Variants in DIP2B observed in about 807,000 individuals in gnomAD.
The protein encoded by DIP2B is disco-interacting protein 2 homolog B.
A neutral mutation model predicts 198.0 loss-of-function variants in DIP2B; 76 were observed. That is an observed-to-expected ratio of 0.38 (90% CI 0.32 to 0.46). DIP2B has a LOEUF of 0.46. Ranked by LOEUF, DIP2B falls within the 20% of genes least tolerant of loss-of-function variation. The pLI is 0.99. For synonymous variants in DIP2B, 701 were observed against 739.1 expected (o/e 0.95, Z 0.84); for missense variants, 1,559 against 1,978.4 (o/e 0.79, Z 4.02).
At position 50,719,033 on chromosome 12, in the gene DIP2B, A is replaced by C; in HGVS notation, c.3040A>C (p.Lys1014Gln). 4 of 1,614,036 alleles carry C rather than the reference A, an allele frequency of 2.5e-6. No individual in the cohort carries two copies. Among genetic ancestry groups the C allele is most frequent in the Non-Finnish European group, 3.4e-6 (4 of 1,179,972 alleles). Residue 1014 changes from lysine to glutamine, a missense_variant and splice_region_variant, in exon 25 of 38, where the codon AAG (lysine) becomes CAG (glutamine). By Grantham distance (53) the Lys-to-Gln change is moderately conservative. Transcript: ENST00000301180. ...DHVLFMLLNA[K>Q]GTTVCTASCL... Reference sequence around the variant, plus strand: ...TGTACTCTTCATGCTGTTAAATGCCAAGGTATTAAAAATTCAATGGTATAT... The same window carrying C: ...TGTACTCTTCATGCTGTTAAATGCCCAGGTATTAAAAATTCAATGGTATAT...
At chr12:50,526,772 A>C (rs954157671) in intron 1 of DIP2B, among the ~76,000 whole-genome samples, 2 of 151,372 alleles carry the variant, frequency 1.3e-5, no homozygotes, top group Admixed American at 1.3e-4. Context: ...AGTAGCTGAG[A>C]TTACAGGCCT....
At chr12:50,529,403 A>G (rs922660391) in intron 1 of DIP2B, among the ~76,000 whole-genome samples, 5 of 152,226 alleles carry the variant, frequency 3.3e-5, no homozygotes, top group Non-Finnish European at 5.9e-5. Context: ...GTGTACATGT[A>G]GTATTCTGGG....
intron 7 of DIP2B, among the ~76,000 whole-genome samples, chr12:50,676,915 G>A (rs900739355): frequency 1.3e-5 from 2 of 152,188 alleles, no homozygotes; most frequent in South Asian, 2.1e-4. Flanking sequence ...CAGAAGGGCA[G>A]TTGAAACATT....
At chr12:50,697,213 A>G in intron 17 of DIP2B, 38 bp downstream of exon 17, 15 of 1,577,452 alleles carry the variant, frequency 9.5e-6, no homozygotes, top group Admixed American at 1.7e-5. Flanking sequence ...GATGTATGTT[A>G]CAACTTGGAT....
chr12:50,574,722 A>G (rs927786020), intron 1 of DIP2B, among the ~76,000 whole-genome samples: 2 of 152,230 alleles, frequency 1.3e-5, no homozygotes, highest in Admixed American at 1.3e-4. Context: ...CCCATCTGGT[A>G]CTTCGTTCCC....
At chr12:50,608,864 G>A (rs1367102272) in intron 1 of DIP2B, among the ~76,000 whole-genome samples, 1 of 151,892 alleles carries the variant, frequency 6.6e-6, no homozygotes, top group African/African-American at 2.4e-5. Flanking sequence ...TTTATTAGCC[G>A]GGCATGGTGG....
At chr12:50,729,417 G>A (rs1939996559) in intron 30 of DIP2B, among the ~76,000 whole-genome samples, 1 of 152,106 alleles carries the variant, frequency 6.6e-6, no homozygotes, top group Non-Finnish European at 1.5e-5. Flanking sequence ...AAAAATTAAT[G>A]GGACTCCCCA....
intron 19 of DIP2B, 124 bp downstream of exon 19, chr12:50,699,326 C>G (rs763904640): frequency 1.5e-5 from 21 of 1,398,674 alleles, no homozygotes; most frequent in Non-Finnish European, 1.9e-5. Flanking sequence ...TGGAGCTAGA[C>G]TTGCCTAAGT....
chr12:50,613,433 T>A (rs1959048130), intron 1 of DIP2B, among the ~76,000 whole-genome samples: 1 of 152,226 alleles, frequency 6.6e-6, no homozygotes, highest in Non-Finnish European at 1.5e-5. Flanking sequence ...TCCTGTCATC[T>A]TCTGTCCTCA....
At chr12:50,726,279 ACT>A (rs1404449950) in intron 28 of DIP2B, among the ~76,000 whole-genome samples, 2 of 152,214 alleles carry the variant, frequency 1.3e-5, no homozygotes, top group Non-Finnish European at 2.9e-5. Flanking sequence ...GTTTTGGCAT[ACT>A]TATAAAGCAC....
chr12:50,596,082 A>ATGGCTGTAAGAC (rs1958876299), intron 1 of DIP2B, among the ~76,000 whole-genome samples: 1 of 152,218 alleles, frequency 6.6e-6, no homozygotes, highest in Admixed American at 6.5e-5. Context: ...TGAGAAGTCC[A>ATGGCTGTAAGAC]TGGCTGTAAG....
At position 50,674,539 on chromosome 12, in the gene DIP2B, C is replaced by T. The variant is rs759010576; in HGVS notation, c.706C>T (p.Arg236Cys). 8.1e-6 allele frequency: 13 copies of T among 1,614,106 alleles called. No individual in the cohort carries two copies. Among genetic ancestry groups the T allele is most frequent in the African/African-American group, 6.7e-5 (5 of 74,934 alleles). ...TSSSSSSSSI[R>C]PANIDLPPSG... is the part of the protein sequence containing the mutation. Reference sequence around the variant, plus strand: ...TTCCTCCTCATCATCTTCCTCAATTCGCCCAGCAAACATTGACCTGCCCCC... The same window carrying T: ...TTCCTCCTCATCATCTTCCTCAATTTGCCCAGCAAACATTGACCTGCCCCC... The change falls in exon 6 of 38, where the codon CGC becomes TGC. Residue 236 changes from arginine (R) to cysteine (C), a missense_variant. Transcript: ENST00000301180.
rs189092856 is a variant in DIP2B at position 50,620,705 on chromosome 12, T to G, written c.101-5271T>G. 2.1e-3 allele frequency among the ~76,000 whole-genome samples: 321 copies of G among 152,362 alleles called. 2 individuals carry two copies. Among genetic ancestry groups the G allele is most frequent in the Non-Finnish European group, 2.7e-3 (183 of 68,040 alleles). ...TGCAAATTTTATATAGGTATCATTA[T>G]GATTCTCCTTTTTGTTCTATATGCC... On this transcript the variant is annotated intron_variant, in intron 1 of 37. Coordinates refer to ENST00000301180, the MANE Select transcript of DIP2B (RefSeq NM_173602.3).
intron 22 of DIP2B, among the ~76,000 whole-genome samples, chr12:50,713,932 A>G (rs577990341): frequency 6.6e-6 from 1 of 152,264 alleles, no homozygotes; most frequent in South Asian, 2.1e-4. Context: ...AAAAAAAGAA[A>G]AGAAAAAAAA....
intron 3 of DIP2B, among the ~76,000 whole-genome samples, chr12:50,641,363 T>TA (rs925950490): frequency 6.6e-6 from 1 of 151,994 alleles, no homozygotes; most frequent in Non-Finnish European, 1.5e-5. Context: ...TCAAAAAAAA[T>TA]AAAGACTGTT....
At chr12:50,691,025 T>A in intron 12 of DIP2B, 24 bp from the exon 13 acceptor site, 1 of 1,598,316 alleles carries the variant, frequency 6.3e-7, no homozygotes, top group Non-Finnish European at 8.6e-7. Flanking sequence ...TTGTGTTTCT[T>A]ATGTTTCTGT....
intron 1 of DIP2B, among the ~76,000 whole-genome samples, chr12:50,577,095 T>C (rs1958669185): frequency 6.6e-6 from 1 of 152,176 alleles, no homozygotes; most frequent in Non-Finnish European, 1.5e-5. Context: ...TGAGCCACCA[T>C]GCCCAGTCAA....
intron 18 of DIP2B, among the ~76,000 whole-genome samples, chr12:50,698,823 C>T (rs185406159): frequency 1.1e-4 from 16 of 152,312 alleles, no homozygotes; most frequent in Admixed American, 9.2e-4. Context: ...AGGGTAACAC[C>T]TCATTCATCT....
At position 50,626,043 on chromosome 12, in the gene DIP2B, A is replaced by T; in HGVS notation, c.168A>T (p.Thr56=). 1.2e-6 allele frequency: 2 copies of T among 1,614,046 alleles called. No individual in the cohort carries two copies. Among genetic ancestry groups the T allele is most frequent in the Non-Finnish European group, 1.7e-6 (2 of 1,179,946 alleles). Residue 56 remains threonine, a synonymous_variant, in exon 2 of 38, where the codon ACA becomes ACT. Coordinates refer to ENST00000301180, the MANE Select transcript of DIP2B (RefSeq NM_173602.3). ...SKLLSPYSPQ[T]QETDSAVQKE... is the part of the protein sequence containing the mutation. ...TCCTATCTCCTTACAGCCCGCAGAC[A>T]CAAGGTAGGCAATAAAAAATGGTTT...
Sources: allele counts gnomAD v4.1 joint callset (sites outside exome capture counted in the v4.1 genomes callset), GRCh38; gene constraint gnomAD v4.1.1; transcripts MANE v1.5; gene names NCBI Gene and HGNC (gene_info 2026-07-23, HGNC 2026-07-21).